The following POM121C variants were observed in gnomAD, a reference collection of about 807,000 sequenced individuals.
POM121C encodes POM121 transmembrane nucleoporin C, also known as nuclear envelope pore membrane protein POM 121C.
In POM121C, 20 loss-of-function variants were observed where a neutral mutation model predicts 66.4. The ratio of observed to expected loss-of-function variants is 0.30; its 90% CI spans 0.21 to 0.44. The LOEUF is 0.44. POM121C is among the 20% of genes least tolerant of loss of function. The pLI, the probability that POM121C is intolerant of heterozygous loss-of-function variation, is 1.00. For missense variants in POM121C, 580 were observed against 1,225.7 expected (o/e 0.47, Z 7.87); for synonymous variants, 286 against 528.0 (o/e 0.54, Z 6.28).
In POM121C at chr7:75,441,420, G is replaced by A; in HGVS notation, c.65+12C>T. The A allele has an allele frequency of 6.2e-7, 1 of 1,613,528 alleles. No homozygotes were observed. The highest frequency in any genetic ancestry group is 8.5e-7 in the Non-Finnish European group (1 of 1,179,654). On this transcript the variant is annotated intron_variant, in intron 4 of 14. Coordinates refer to ENST00000615331, the MANE Select transcript of POM121C (RefSeq NM_001099415.3). ...CGAAAAGGGAGAGTATTCTTCCAAC[G>A]ATAATACTCACATCGCAGAACGTGA...
In POM121C at chr7:75,455,696, C is replaced by T. The variant is rs1278010072; in HGVS notation, c.-151-14049G>A. ...ATGGCCACCCTCCCTTTGGGGTCCC[C>T]GCTCGCCCGTGTCTATTTTCATTAC... is the stretch of plus-strand genomic sequence containing the variant. On this transcript the variant is annotated intron_variant, in intron 3 of 14. Coordinates refer to ENST00000615331, the MANE Select transcript of POM121C (RefSeq NM_001099415.3). Among the ~76,000 whole-genome samples, 10 of 151,838 alleles carry T rather than the reference C, an allele frequency of 6.6e-5. No homozygotes were observed. In the East Asian group the frequency reaches 1.2e-3, roughly 18 times the overall value.
In POM121C at chr7:75,421,630, G is replaced by A; in HGVS notation, c.2622C>T (p.Ser874=). 6.2e-7 allele frequency: 1 copy of A among 1,613,572 alleles called. No homozygotes were observed. The highest frequency in any genetic ancestry group is 1.1e-5 in the South Asian group (1 of 91,048). The change falls in exon 13 of 15, where the codon AGC becomes AGT. Residue 874 remains serine, a synonymous_variant. Coordinates refer to ENST00000615331, the MANE Select transcript of POM121C (RefSeq NM_001099415.3). Reference sequence around the variant, plus strand: ...CTGTGAAGGGGGTGGAGGTGGCTGTGCTCCCACTCTGTCCTGCTCCAAAGC... The same window carrying A: ...CTGTGAAGGGGGTGGAGGTGGCTGTACTCCCACTCTGTCCTGCTCCAAAGC... ...AFSFGAGQSG[S]TATSTPFTGG... is the part of the protein sequence containing the mutation.
At position 75,417,219 on chromosome 7, in the gene POM121C, T is replaced by C. The variant is rs1789505557; in HGVS notation, c.*1577A>G. 1.1e-5 allele frequency: 10 copies of C among 952,144 alleles called. No individual in the cohort carries two copies. The highest frequency in any genetic ancestry group is 1.3e-5 in the Non-Finnish European group (10 of 798,362). The allele number at this position is 952,144 out of a possible 1,614,324, so 59.0% of individuals were successfully genotyped here. A position where few individuals can be genotyped will look rare whatever the true frequency, so the allele number is the denominator to read the frequency against. On this transcript the variant is annotated 3_prime_UTR_variant, in exon 15 of 15. Transcript: ENST00000615331. ...GGTTACATCTACATCACATTATTTA[T>C]AAAATAAGAATTACATTTCATATAA...
chr7:75,435,942 T>G (rs587652219), intron 7 of POM121C, among the ~76,000 whole-genome samples: 90 of 152,206 alleles, frequency 5.9e-4, no homozygotes, highest in African/African-American at 2.0e-3. Context: ...TCCCAGCTAC[T>G]TGGGAGGCTG....
intron 7 of POM121C, among the ~76,000 whole-genome samples, chr7:75,434,168 G>A (rs1408035732): frequency 6.6e-6 from 1 of 152,054 alleles, no homozygotes; most frequent in Non-Finnish European, 1.5e-5. Context: ...TAGCCCTTCA[G>A]AAAAATGGGT....
intron 13 of POM121C, 78 bp from the exon 14 acceptor site, chr7:75,419,520 C>G (rs1789606971): frequency 1.3e-6 from 2 of 1,532,690 alleles, no homozygotes; most frequent in South Asian, 2.5e-5. Context: ...AGCCTGTGCT[C>G]TGCAGGGCAC....
rs1554474134 is a variant in POM121C, at chr7:75,442,211, C to T, written c.-151-564G>A. ...GAGAGAGGGGTAAAAGTGGTGAACG[C>T]GATGGGTCGGCTGGGAGGGCGGTGT... On this transcript the variant is annotated intron_variant, in intron 3 of 14. Transcript: ENST00000615331. 3 of 1,336,736 alleles carry T rather than the reference C, an allele frequency of 2.2e-6. No individual in the cohort carries two copies. The Admixed American group carries it at 1.3e-4, about 56-fold the overall frequency. The allele number at this position is 1,336,736 out of a possible 1,614,324, so 82.8% of individuals were successfully genotyped here.
At chr7:75,477,110 T>TACACACACACAC (rs57918412) in intron 1 of POM121C, among the ~76,000 whole-genome samples, 53,157 of 140,026 alleles carry the variant, frequency 0.38, 10,234 homozygotes, top group East Asian at 0.73. Flanking sequence ...TTTGCGTGTA[T>TACACACACACAC]ACACACACAC....
At chr7:75,484,039 T>G (rs1449976757) in intron 1 of POM121C, among the ~76,000 whole-genome samples, 5 of 151,304 alleles carry the variant, frequency 3.3e-5, no homozygotes, top group Admixed American at 1.3e-4. Flanking sequence ...GAGGTGGAGG[T>G]TGCAGTGAAG....
chr7:75,439,777 T>C (rs1554473617), intron 5 of POM121C, among the ~76,000 whole-genome samples: 4 of 152,208 alleles, frequency 2.6e-5, no homozygotes, highest in Non-Finnish European at 5.9e-5. Flanking sequence ...TAGGGTCTCA[T>C]ACACAGTGGG....
intron 3 of POM121C, among the ~76,000 whole-genome samples, chr7:75,473,897 C>G (rs1563158375): frequency 1.3e-5 from 2 of 151,918 alleles, no homozygotes; most frequent in South Asian, 4.1e-4. Flanking sequence ...ACCGTTTTAG[C>G]CGGGATGGTC....
chr7:75,458,085 C>T (rs1755296517), intron 3 of POM121C, among the ~76,000 whole-genome samples: 1 of 152,214 alleles, frequency 6.6e-6, no homozygotes, highest in South Asian at 2.1e-4. Context: ...CAGCAAGCTG[C>T]ACTTTTTTTT....
chr7:75,455,876 C>G (rs1320362964), intron 3 of POM121C, among the ~76,000 whole-genome samples: 1 of 152,106 alleles, frequency 6.6e-6, no homozygotes, highest in Non-Finnish European at 1.5e-5. Flanking sequence ...ATCTTTTGAT[C>G]CCTCACATAG....
intron 3 of POM121C, among the ~76,000 whole-genome samples, chr7:75,449,795 C>A (rs755317003): frequency 6.6e-6 from 1 of 152,014 alleles, no homozygotes; most frequent in Non-Finnish European, 1.5e-5. Flanking sequence ...GCAGGCAGAT[C>A]GCCTGAAGTT....
intron 3 of POM121C, among the ~76,000 whole-genome samples, chr7:75,468,197 G>A (rs183224303): frequency 7.7e-4 from 114 of 147,816 alleles, no homozygotes; most frequent in Middle Eastern, 3.5e-3. Flanking sequence ...ATAAAACTGA[G>A]CCTCTCCTCT....
intron 3 of POM121C, among the ~76,000 whole-genome samples, chr7:75,467,582 C>A (rs1440118186): frequency 6.7e-6 from 1 of 149,142 alleles, no homozygotes; most frequent in Non-Finnish European, 1.5e-5. Context: ...CGGAATAAAT[C>A]CTGTGATGGT....
At chr7:75,465,235 T>C (rs1396190283) in intron 3 of POM121C, among the ~76,000 whole-genome samples, 1 of 151,822 alleles carries the variant, frequency 6.6e-6, no homozygotes, top group Non-Finnish European at 1.5e-5. Flanking sequence ...CCTCAGGTGA[T>C]CTGCTCGCCT....
intron 3 of POM121C, among the ~76,000 whole-genome samples, chr7:75,456,632 G>A (rs1469855844): frequency 1.3e-4 from 20 of 152,284 alleles, no homozygotes; most frequent in Non-Finnish European, 2.9e-4. Context: ...GGGTTTTACT[G>A]CCTGTTGCGA....
chr7:75,417,734 T>G lies in POM121C; in HGVS notation c.*1062A>C. ...TTGCTTCCCCTGGGCCCATTCTCCC[T>G]GGCTGCCAGCCCTTGAAGTCAGAAC... On this transcript the variant is annotated 3_prime_UTR_variant, in exon 15 of 15. Transcript: ENST00000615331. 2 of 985,212 alleles carry G rather than the reference T, an allele frequency of 2.0e-6. No individual in the cohort carries two copies. The highest frequency in any genetic ancestry group is 2.4e-6 in the Non-Finnish European group (2 of 829,612). The allele number at this position is 985,212 out of a possible 1,614,324, so 61.0% of individuals were successfully genotyped here. A position where few individuals can be genotyped will look rare whatever the true frequency, so the allele number is the denominator to read the frequency against.
Sources: gnomAD v4.1 joint callset for allele counts (sites outside exome capture counted in the v4.1 genomes callset) on GRCh38, gnomAD v4.1.1 for gene constraint, MANE v1.5 for transcripts, NCBI Gene and HGNC (gene_info 2026-07-23, HGNC 2026-07-21) for gene names.